Variants in KLHL10 observed in about 807,000 individuals in gnomAD.
KLHL10 encodes kelch-like protein 10.
KLHL10 carries 11 observed loss-of-function variants against 46.6 expected under a neutral mutation model. The observed-to-expected ratio is 0.24, with a 90% CI of 0.15 to 0.39. The LOEUF (loss-of-function observed/expected upper bound fraction) is 0.39. KLHL10 is among the 10% of genes least tolerant of loss of function. KLHL10 has a pLI of 1.00. For synonymous variants in KLHL10, 254 were observed against 279.1 expected, an observed-to-expected ratio of 0.91 and a Z score of 0.90; for missense variants, 475 against 789.8, an observed-to-expected ratio of 0.60 and a Z score of 4.78.
At chr17:41,844,540 G>A (rs2048261712) in intron 2 of KLHL10, among the ~76,000 whole-genome samples, 1 of 68,626 alleles carries the variant, frequency 1.5e-5, no homozygotes, top group Non-Finnish European at 2.6e-5. Context: ...CCTGGTTTTT[G>A]TATTTTTTTT....
At position 41,837,887 on chromosome 17, in the gene KLHL10, C is replaced by T. The variant is rs2048182781; in HGVS notation, c.-46C>T. 9 of 1,611,186 alleles carry T rather than the reference C, an allele frequency of 5.6e-6. No homozygotes were observed. The East Asian group carries it at 1.8e-4, about 32-fold the overall frequency. ...GCTAAAGGGGCCCCCCACAACCCTC[C>T]CCGACACCCTAGGAAAGCAGCCTCT... On this transcript the variant is annotated 5_prime_UTR_variant, in exon 1 of 5. Transcript: ENST00000293303.
At position 41,848,334 on chromosome 17, in the gene KLHL10, C is replaced by A; in HGVS notation, c.*27C>A. ...CCTCTTCATTTAGCTAATAAAAAGT[C>A]TAAGCAATAAGAATTAATTCTTTTT... On this transcript the variant is annotated 3_prime_UTR_variant, in exon 5 of 5. Transcript: ENST00000293303. 1.3e-6 allele frequency: 2 copies of A among 1,598,058 alleles called. No individual in the cohort carries two copies. Among genetic ancestry groups the A allele is most frequent in the South Asian group, 1.1e-5 (1 of 90,060 alleles).
chr17:41,844,377 C>A (rs545496111), intron 2 of KLHL10, among the ~76,000 whole-genome samples: 3 of 151,428 alleles, frequency 2.0e-5, no homozygotes, highest in Non-Finnish European at 4.4e-5. Context: ...ATTATAGGCA[C>A]CTGCCACCAC....
chr17:41,836,532 C>T, upstream of KLHL10: 1 of 890,048 alleles, frequency 1.1e-6, no homozygotes, highest in Non-Finnish European at 1.3e-6. Flanking sequence ...GTGACAAAAA[C>T]ATGACTGGGG....
At chr17:41,836,346 G>A, upstream of KLHL10, 1 of 1,222,638 alleles carries the variant, frequency 8.2e-7, no homozygotes. Flanking sequence ...CCCGGAGATG[G>A]CCGCGATCCG....
chr17:41,841,767 C>G (rs1555620752), intron 1 of KLHL10, 56 bp from the exon 2 acceptor site: 2 of 1,610,410 alleles, frequency 1.2e-6, no homozygotes. Flanking sequence ...TTCCAATGTA[C>G]TCACCTAACA....
At chr17:41,839,493 G>A (rs1555620503) in intron 1 of KLHL10, among the ~76,000 whole-genome samples, 1 of 152,192 alleles carries the variant, frequency 6.6e-6, no homozygotes, top group Non-Finnish European at 1.5e-5. Context: ...CAAGGATTAA[G>A]GGGATGGGAA....
rs2048311777 is a variant in KLHL10 at position 41,848,372 on chromosome 17, AGT to A, written c.*68_*69del. On this transcript the variant is annotated 3_prime_UTR_variant, in exon 5 of 5. Transcript: ENST00000293303. Reference sequence around the variant, plus strand: ...ATTAATTCTTTTTTTAAAAAAATGCAGTGTTTAAACTTTGAAGAGTACTGGAA... The same window carrying A: ...ATTAATTCTTTTTTTAAAAAAATGCAGTTTAAACTTTGAAGAGTACTGGAA... 3 of 1,546,994 alleles carry A rather than the reference AGT, an allele frequency of 1.9e-6. No individual in the cohort carries two copies. In the East Asian group the frequency reaches 6.7e-5, roughly 35 times the overall value.
chr17:41,838,279 A>G (rs1035338600), intron 1 of KLHL10, among the ~76,000 whole-genome samples, 153 bp downstream of exon 1: 3 of 151,938 alleles, frequency 2.0e-5, no homozygotes, highest in Admixed American at 6.6e-5. Flanking sequence ...TTTTTTTTTT[A>G]GAGATAAGCT....
Position 41,839,885 on chromosome 17 carries a change from C to CTT in KLHL10, c.194+1769_194+1770dup, listed in dbSNP as rs60235732. On this transcript the variant is annotated intron_variant, in intron 1 of 4. Transcript: ENST00000293303. ...GTGCCACCACATCTGGCTAATTTTT[C>CTT]TTTTTTTTTTTGAAATGGAGTTTTG... Among the ~76,000 whole-genome samples the CTT allele has an allele frequency of 1.4e-3, 207 of 144,710 alleles. 1 individual carries two copies. Among genetic ancestry groups the CTT allele is most frequent in the East Asian group, 0.013 (63 of 4,914 alleles). 94.9% of individuals were successfully genotyped at this position (144,710 alleles called of 152,430 possible).
At chr17:41,837,258 G>A (rs1401229938), upstream of KLHL10, among the ~76,000 whole-genome samples, 1 of 152,206 alleles carries the variant, frequency 6.6e-6, no homozygotes, top group Non-Finnish European at 1.5e-5. Flanking sequence ...TCCATCTCCT[G>A]GGTTGAAGCG....
At chr17:41,836,015 C>T, upstream of KLHL10, 1 of 1,468,520 alleles carries the variant, frequency 6.8e-7, no homozygotes, top group Non-Finnish European at 9.0e-7. Context: ...CCGAGGGGAG[C>T]CCGGGGCTCG....
intron 2 of KLHL10, among the ~76,000 whole-genome samples, chr17:41,843,710 G>C (rs1555620957): frequency 6.6e-6 from 1 of 151,946 alleles, no homozygotes. Context: ...CTCATTCTCA[G>C]CTTCCAAATG....
Position 41,847,972 on chromosome 17 carries a change from G to A in KLHL10, c.1492G>A (p.Glu498Lys), listed in dbSNP as rs1555621650. 3.1e-6 allele frequency: 5 copies of A among 1,614,162 alleles called. No homozygotes were observed. The highest frequency in any genetic ancestry group is 1.1e-5 in the South Asian group (1 of 91,072). The change falls in exon 5 of 5, where the codon GAA becomes AAA. Residue 498 changes from glutamate to lysine, a missense_variant. Physicochemically the swap from Glu to Lys is moderately conservative, Grantham distance 56. Coordinates refer to ENST00000293303, the MANE Select transcript of KLHL10 (RefSeq NM_152467.5). ...TGGAGCTAATCGACTTAGGAGTGCC[G>A]AAGCCTACAGCCCTGTGGCTAACAC... ...FDGANRLRSA[E>K]AYSPVANTWR...
upstream of KLHL10, chr17:41,835,925 C>T: frequency 6.2e-7 from 1 of 1,603,594 alleles, no homozygotes; most frequent in African/African-American, 1.3e-5. Flanking sequence ...CAGGCTGCCG[C>T]ATCAGGACCG....
At chr17:41,847,213 C>A in intron 3 of KLHL10, 48 bp from the exon 4 acceptor site, 1 of 1,568,936 alleles carries the variant, frequency 6.4e-7, no homozygotes, top group Non-Finnish European at 8.8e-7. Flanking sequence ...TCCTTTCTTT[C>A]TACTCCCTAG....
upstream of KLHL10, among the ~76,000 whole-genome samples, chr17:41,836,816 C>T (rs1234524539): frequency 6.6e-6 from 1 of 151,152 alleles, no homozygotes. Context: ...ACAGATGACA[C>T]CCTGTCTCAG....
rs1373321978 is a variant in KLHL10 at position 41,842,015 on chromosome 17, C to T, written c.387C>T (p.Cys129=). The T allele has an allele frequency of 3.1e-6, 5 of 1,613,986 alleles. No individual in the cohort carries two copies. Among genetic ancestry groups the T allele is most frequent in the Admixed American group, 1.7e-5 (1 of 59,976 alleles). Residue 129 remains cysteine (C), a synonymous_variant, in exon 2 of 5, where the codon TGC becomes TGT. Coordinates refer to ENST00000293303, the MANE Select transcript of KLHL10 (RefSeq NM_152467.5). The part of the protein sequence containing the change: ...FNIMGIVRGC[C]EFLKSELCLD... ...TCATGGGTATCGTCAGGGGTTGCTG[C>T]GAGTTCCTCAAGTCAGAGCTGTGCT...
chr17:41,844,242 T>C (rs2048257835), intron 2 of KLHL10, among the ~76,000 whole-genome samples: 1 of 149,960 alleles, frequency 6.7e-6, no homozygotes, highest in Admixed American at 6.7e-5. Flanking sequence ...TTTTTTTCTT[T>C]TTTTTTGAGT....
Sources: gnomAD v4.1 joint callset for allele counts (sites outside exome capture counted in the v4.1 genomes callset) on GRCh38, gnomAD v4.1.1 for gene constraint, MANE v1.5 for transcripts, NCBI Gene and HGNC (gene_info 2026-07-23, HGNC 2026-07-21) for gene names.